Variants in TRPC5 observed in about 807,000 individuals in gnomAD.
The protein encoded by TRPC5 is transient receptor potential cation channel subfamily C member 5.
In TRPC5, 9 loss-of-function variants were observed where a neutral mutation model predicts 56.5. The observed-to-expected ratio is 0.16, with a 90% confidence interval of 0.10 to 0.28. The LOEUF (loss-of-function observed/expected upper bound fraction) is 0.28, where lower values mean the gene tolerates loss of function less well. TRPC5 is among the 10% of genes least tolerant of loss of function. The probability of loss-of-function intolerance (pLI) is 1.00; values close to 1 mark genes in which losing one functional copy is unlikely to be tolerated. For synonymous variants in TRPC5, 282 were observed against 278.5 expected, an observed-to-expected ratio of 1.01 and a Z score of -0.13; for missense variants, 469 against 748.9, an observed-to-expected ratio of 0.63 and a Z score of 4.36.
chrX:111,779,948 A>G (rs1945907063), intron 9 of TRPC5, among the ~76,000 whole-genome samples: 1 of 111,928 alleles, frequency 8.9e-6, no homozygotes, highest in South Asian at 3.7e-4. Context: ...GAAGACAATG[A>G]ATCTTATTTA....
At chrX:112,003,016 C>A (rs1928737065) in intron 1 of TRPC5, among the ~76,000 whole-genome samples, 1 of 111,278 alleles carries the variant, frequency 9.0e-6, no homozygotes, top group South Asian at 3.8e-4. Context: ...TTAATAACTG[C>A]CCCCTCTCCC....
intron 7 of TRPC5, among the ~76,000 whole-genome samples, chrX:111,795,159 G>C (rs1946050149): frequency 9.1e-6 from 1 of 109,524 alleles, no homozygotes; most frequent in African/African-American, 3.3e-5. Context: ...TCACTGTCTA[G>C]AATTGTCAGC....
At chrX:111,988,836 C>T (rs980475081) in intron 1 of TRPC5, among the ~76,000 whole-genome samples, 3 of 111,177 alleles carry the variant, frequency 2.7e-5, no homozygotes, top group Non-Finnish European at 3.8e-5. Flanking sequence ...AATATTTCCT[C>T]ACTGAGCACA....
chrX:111,935,087 A>G (rs1198559717), intron 2 of TRPC5, among the ~76,000 whole-genome samples: 2 of 112,073 alleles, frequency 1.8e-5, no homozygotes, highest in Non-Finnish European at 3.8e-5. Context: ...CATTCCCACC[A>G]ACAGTGTACA....
At chrX:111,834,849 T>C (rs1922517057) in intron 7 of TRPC5, 72 bp downstream of exon 7, 4 of 814,487 alleles carry the variant, frequency 4.9e-6, no homozygotes, top group Non-Finnish European at 7.1e-6. Flanking sequence ...ATTGAGCTTC[T>C]AATGAACTCT....
intron 7 of TRPC5, among the ~76,000 whole-genome samples, chrX:111,827,878 T>C (rs1489296670): frequency 9.0e-6 from 1 of 111,188 alleles, no homozygotes; most frequent in Admixed American, 9.6e-5. Flanking sequence ...CAACGGTCCA[T>C]GAGGCCCTAA....
intron 2 of TRPC5, among the ~76,000 whole-genome samples, chrX:111,929,691 C>T (rs1926354649): frequency 8.9e-6 from 1 of 112,256 alleles, no homozygotes; most frequent in Admixed American, 9.5e-5. Context: ...GTGCGTTTAT[C>T]AGGTACTTTT....
intron 7 of TRPC5, among the ~76,000 whole-genome samples, chrX:111,818,455 T>C (rs1471725205): frequency 9.0e-6 from 1 of 111,568 alleles, no homozygotes; most frequent in Admixed American, 9.6e-5. Flanking sequence ...TCTTGTTCAC[T>C]ATTGTATTCC....
chrX:111,976,871 A>C (rs1927943606), intron 1 of TRPC5, among the ~76,000 whole-genome samples: 1 of 111,214 alleles, frequency 9.0e-6, no homozygotes, highest in Admixed American at 9.6e-5. Context: ...AATTAAAAAA[A>C]AAAATCCCAT....
At chrX:111,975,152 G>T (rs1215307872) in intron 1 of TRPC5, among the ~76,000 whole-genome samples, 3 of 111,085 alleles carry the variant, frequency 2.7e-5, no homozygotes, top group Non-Finnish European at 5.6e-5. Context: ...CTGCTTGCCA[G>T]GGAATTGAGG....
chrX:112,023,554 A>G (rs1051970872), intron 1 of TRPC5, among the ~76,000 whole-genome samples: 2 of 110,075 alleles, frequency 1.8e-5, no homozygotes, highest in African/African-American at 6.6e-5. Context: ...TGGTTTATAA[A>G]TCTTCTTGTC....
At chrX:111,968,741 T>C (rs112346956) in intron 1 of TRPC5, among the ~76,000 whole-genome samples, 82 of 97,893 alleles carry the variant, frequency 8.4e-4, no homozygotes, top group African/African-American at 2.8e-3. Flanking sequence ...AACCAAACAC[T>C]GCATGTTCTG....
rs750626997 is a variant in TRPC5 at position 111,880,997 on chromosome X, C to T, written c.901-26891G>A. Reference sequence around the variant, plus strand: ...AAAGTTCAGCTTGGTGAAGCTTACACTCCCGTTACTGCAATTCTAGTGCAT... The same window carrying T: ...AAAGTTCAGCTTGGTGAAGCTTACATTCCCGTTACTGCAATTCTAGTGCAT... On this transcript the variant is annotated intron_variant, in intron 3 of 10. Transcript: ENST00000262839. Among the ~76,000 whole-genome samples, 4 of 111,606 alleles carry T rather than the reference C, an allele frequency of 3.6e-5. No individual in the cohort carries two copies. In the Admixed American group the frequency reaches 3.8e-4, roughly 11 times the overall value.
At chrX:111,945,020 G>A (rs1300029722) in intron 2 of TRPC5, among the ~76,000 whole-genome samples, 2 of 110,781 alleles carry the variant, frequency 1.8e-5, no homozygotes, top group African/African-American at 6.6e-5. Flanking sequence ...AACAGGTTGG[G>A]GTGCATTTGT....
chrX:111,876,034 A>AG (rs1923927846), intron 3 of TRPC5: 1 of 107,013 alleles, frequency 9.3e-6, no homozygotes, highest in Non-Finnish European at 1.9e-5. Flanking sequence ...TAAGCTAGGG[A>AG]GAAAAAAAAA....
At chrX:111,833,778 C>CAT (rs764064974) in intron 7 of TRPC5, among the ~76,000 whole-genome samples, 32 of 110,744 alleles carry the variant, frequency 2.9e-4, no homozygotes, top group Middle Eastern at 9.3e-3. Flanking sequence ...CATATACATA[C>CAT]ATATATATAT....
In TRPC5 at chrX:111,776,070, C is replaced by A. The variant is rs1325301453; in HGVS notation, c.*243G>T. 9 of 290,790 alleles carry A rather than the reference C, an allele frequency of 3.1e-5. No individual in the cohort carries two copies. The highest frequency in any genetic ancestry group is 5.4e-5 in the Non-Finnish European group (9 of 166,992). The allele number at this position is 290,790 out of a possible 1,213,427, so 24.0% of individuals were successfully genotyped here. ...CACCTCTGATGATTAGGTGCAACAC[C>A]CCTTCAGTCGGTTGTAAGATGGACT... On this transcript the variant is annotated 3_prime_UTR_variant, in exon 11 of 11. Transcript: ENST00000262839.
intron 1 of TRPC5, among the ~76,000 whole-genome samples, chrX:111,993,901 G>C (rs1038767401): frequency 1.8e-5 from 2 of 111,819 alleles, no homozygotes; most frequent in Non-Finnish European, 3.8e-5. Context: ...AAGCTCTTTA[G>C]TTTAATTAGA....
chrX:111,974,382 G>T (rs369620245), intron 1 of TRPC5, among the ~76,000 whole-genome samples: 247 of 110,734 alleles, frequency 2.2e-3, no homozygotes, highest in Middle Eastern at 9.3e-3. Context: ...TCTGCACAGG[G>T]TCTTCCATAG....
Sources: allele counts gnomAD v4.1 joint callset (sites outside exome capture counted in the v4.1 genomes callset), GRCh38; gene constraint gnomAD v4.1.1; transcripts MANE v1.5; gene names NCBI Gene and HGNC (gene_info 2026-07-23, HGNC 2026-07-21).